Variants in GSG1L observed in about 807,000 individuals in gnomAD.
The protein encoded by GSG1L is GSG1 like, also known as germ cell-specific gene 1-like protein.
GSG1L carries 24 observed loss-of-function variants against 42.1 expected under a neutral mutation model. The observed-to-expected ratio is 0.57, with a 90% confidence interval of 0.41 to 0.80. GSG1L has a LOEUF of 0.80. GSG1L is among the 30% of genes least tolerant of loss of function. GSG1L has a pLI of 0.00. For synonymous variants in GSG1L, 215 were observed against 203.5 expected (o/e 1.06, Z -0.48); for missense variants, 445 against 472.2 (o/e 0.94, Z 0.53).
At chr16:27,822,353 T>C (rs920035566) in intron 5 of GSG1L, among the ~76,000 whole-genome samples, 4 of 152,152 alleles carry the variant, frequency 2.6e-5, no homozygotes, top group African/African-American at 9.7e-5. Flanking sequence ...GCTCAAACAG[T>C]GTCTGCAACA....
chr16:27,982,958 A>C (rs2085340691), intron 1 of GSG1L, among the ~76,000 whole-genome samples: 1 of 152,178 alleles, frequency 6.6e-6, no homozygotes, highest in South Asian at 2.1e-4. Context: ...TTACCAAACC[A>C]TATCATCCCA....
chr16:27,947,222 G>GCTCAAGCCATCCTCCTGC (rs1317006989), intron 2 of GSG1L, among the ~76,000 whole-genome samples: 1 of 152,054 alleles, frequency 6.6e-6, no homozygotes, highest in East Asian at 1.9e-4. Flanking sequence ...GACCTCCCTG[G>GCTCAAGCCATCCTCCTGC]CTCAAGCCAT....
intron 1 of GSG1L, among the ~76,000 whole-genome samples, chr16:28,036,702 T>C (rs1320155103): frequency 6.6e-6 from 1 of 152,238 alleles, no homozygotes; most frequent in Non-Finnish European, 1.5e-5. Context: ...AAGCAGCCAG[T>C]TCTGCTTTGA....
rs550659349 is a variant in GSG1L, at chr16:27,892,266, G to C, written c.398-7628C>G. On this transcript the variant is annotated intron_variant, in intron 2 of 6. Coordinates refer to ENST00000447459, the MANE Select transcript of GSG1L (RefSeq NM_001109763.2). Reference sequence around the variant, plus strand: ...GCCCAGGAGTTCGAGACCAGCCTGGGCAATATAGGGAGACCTCATCTCTAC... The same window carrying C: ...GCCCAGGAGTTCGAGACCAGCCTGGCCAATATAGGGAGACCTCATCTCTAC... Among the ~76,000 whole-genome samples, 299 of 151,618 alleles carry C rather than the reference G, an allele frequency of 2.0e-3. 1 individual carries two copies. Among genetic ancestry groups the C allele is most frequent in the Non-Finnish European group, 2.5e-3 (170 of 67,818 alleles).
At chr16:27,857,229 T>C (rs1045196031) in intron 3 of GSG1L, among the ~76,000 whole-genome samples, 8 of 151,818 alleles carry the variant, frequency 5.3e-5, no homozygotes, top group Non-Finnish European at 8.8e-5. Context: ...GAGTTTGAGA[T>C]CACCCTGGGC....
chr16:27,937,117 G>A (rs897822262), intron 2 of GSG1L, among the ~76,000 whole-genome samples: 1 of 152,352 alleles, frequency 6.6e-6, no homozygotes, highest in Non-Finnish European at 1.5e-5. Flanking sequence ...CTCCAGCAGG[G>A]CGTCTGCTCC....
rs2086365379 is a variant in GSG1L at position 28,063,224 on chromosome 16, G to A, written c.201C>T (p.Pro67=). ...CGGTGGCGGCGGCGGCGGCGGCGGC[G>A]GGGGCGGCGGTGCCGTTGGCCGTGG... ...ANATANGTAA[P]AAAAAAATAS... The change falls in exon 1 of 7, where the codon CCC becomes CCT. Residue 67 remains proline (P), a synonymous_variant. Coordinates refer to ENST00000447459, the MANE Select transcript of GSG1L (RefSeq NM_001109763.2). This position sits in a 1 kb window ranked among gnomAD's most constrained non-coding sequence, Gnocchi z 5.8. 2 of 1,252,802 alleles carry A rather than the reference G, an allele frequency of 1.6e-6. No individual in the cohort carries two copies. The highest frequency in any genetic ancestry group is 2.0e-6 in the Non-Finnish European group (2 of 1,004,104). The allele number at this position is 1,252,802 out of a possible 1,614,324, so 77.6% of individuals were successfully genotyped here.
At chr16:27,896,389 T>A (rs1422990403) in intron 2 of GSG1L, among the ~76,000 whole-genome samples, 1 of 152,174 alleles carries the variant, frequency 6.6e-6, no homozygotes, top group African/African-American at 2.4e-5. Context: ...TTACCTTGCA[T>A]GGCACAAGGG....
At chr16:27,911,139 C>G (rs2084382474) in intron 2 of GSG1L, among the ~76,000 whole-genome samples, 1 of 152,224 alleles carries the variant, frequency 6.6e-6, no homozygotes. Flanking sequence ...GCTGCCGGAT[C>G]CTGCTGCCCC....
chr16:27,994,337 A>G (rs2141137749), intron 1 of GSG1L, among the ~76,000 whole-genome samples: 1 of 152,298 alleles, frequency 6.6e-6, no homozygotes, highest in South Asian at 2.1e-4. Flanking sequence ...GCATTAAACT[A>G]CACTGAATTG....
chr16:27,980,516 A>G (rs1427127890), intron 1 of GSG1L, among the ~76,000 whole-genome samples: 1 of 152,222 alleles, frequency 6.6e-6, no homozygotes, highest in Admixed American at 6.5e-5. Flanking sequence ...TAAGTGCTTT[A>G]CATGCATCAA....
intron 2 of GSG1L, among the ~76,000 whole-genome samples, chr16:27,921,835 C>G (rs951522403): frequency 6.6e-6 from 1 of 152,116 alleles, no homozygotes; most frequent in Non-Finnish European, 1.5e-5. Context: ...TACCTGTGAC[C>G]CACTATTGTT....
At chr16:27,894,816 A>G (rs2084171863) in intron 2 of GSG1L, among the ~76,000 whole-genome samples, 1 of 152,132 alleles carries the variant, frequency 6.6e-6, no homozygotes, top group African/African-American at 2.4e-5. Flanking sequence ...CATGTCACAG[A>G]GTAAGTCAGG....
intron 3 of GSG1L, among the ~76,000 whole-genome samples, chr16:27,860,790 C>T (rs1264645540): frequency 2.0e-5 from 3 of 152,194 alleles, no homozygotes; most frequent in Non-Finnish European, 4.4e-5. Context: ...GACAGGACGC[C>T]AGCCTAGGCA....
chr16:27,989,935 G>C (rs1252661713), intron 1 of GSG1L, among the ~76,000 whole-genome samples: 1 of 152,048 alleles, frequency 6.6e-6, no homozygotes, highest in Non-Finnish European at 1.5e-5. Flanking sequence ...AAAGCTTTTT[G>C]CAAACCCTAA....
rs201833994 is a variant in GSG1L at position 27,845,087 on chromosome 16, C to A, written c.551-26G>T. On this transcript the variant is annotated intron_variant, in intron 3 of 6. Transcript: ENST00000447459. ...CTGTGGGGCAGAGAGCAGAGCAAAG[C>A]GTCAGGAAGTAAGGAAGGGCTTTGT... 1.1e-4 allele frequency: 164 copies of A among 1,519,802 alleles called. 2 individuals carry two copies. In the African/African-American group the frequency reaches 2.0e-3, roughly 19 times the overall value. The allele number at this position is 1,519,802 out of a possible 1,614,324, so 94.1% of individuals were successfully genotyped here.
At chr16:28,024,542 TA>T (rs1198586968) in intron 1 of GSG1L, among the ~76,000 whole-genome samples, 2 of 152,094 alleles carry the variant, frequency 1.3e-5, no homozygotes, top group African/African-American at 2.4e-5. Context: ...GGAAATTAGC[TA>T]AGGAGCAAAG....
At chr16:27,930,113 T>C (rs932940748) in intron 2 of GSG1L, among the ~76,000 whole-genome samples, 13 of 151,918 alleles carry the variant, frequency 8.6e-5, no homozygotes, top group Non-Finnish European at 1.6e-4. Context: ...CTCCTCAAAT[T>C]TTGCATTCTA....
At chr16:27,888,954 A>AGATATAGATATAGAT (rs2141030533) in intron 2 of GSG1L, among the ~76,000 whole-genome samples, 1 of 151,288 alleles carries the variant, frequency 6.6e-6, no homozygotes, top group South Asian at 2.1e-4. Flanking sequence ...ATATAGATAT[A>AGATATAGATATAGAT]GATATAGATA....
Sources: allele counts gnomAD v4.1 joint callset (sites outside exome capture counted in the v4.1 genomes callset), GRCh38; gene constraint gnomAD v4.1.1; non-coding constraint Gnocchi (gnomAD v3.1); transcripts MANE v1.5; gene names NCBI Gene and HGNC (gene_info 2026-07-23, HGNC 2026-07-21).